CACNA1C: variants seen among roughly 807,000 people sequenced by gnomAD.
The protein encoded by CACNA1C is voltage-dependent L-type calcium channel subunit alpha-1C.
CACNA1C carries 30 observed loss-of-function variants against 229.0 expected under a neutral mutation model. The observed-to-expected ratio is 0.13, with a 90% CI of 0.10 to 0.18. CACNA1C has a LOEUF of 0.18. Among genes scored for constraint, CACNA1C ranks in the 10% least tolerant of loss-of-function variants. The pLI is 1.00. For synonymous variants in CACNA1C, 1,114 were observed against 1,132.5 expected, an observed-to-expected ratio of 0.98 and a Z score of 0.33; for missense variants, 1,658 against 2,845.0, an observed-to-expected ratio of 0.58 and a Z score of 9.49.
chr12:2,497,842 G>A (rs1444641499), intron 7 of CACNA1C, among the ~76,000 whole-genome samples: 1 of 152,086 alleles, frequency 6.6e-6, no homozygotes, highest in Non-Finnish European at 1.5e-5. Context: ...TTTTGGTTCA[G>A]CCAACAGGAG....
chr12:2,089,578 C>T (rs74731563), intron 1 of CACNA1C, among the ~76,000 whole-genome samples: 3,525 of 152,234 alleles, frequency 0.023, 136 homozygotes, highest in African/African-American at 0.08. Context: ...CGGGCCCATC[C>T]GGGGCATGTT....
intron 3 of CACNA1C, among the ~76,000 whole-genome samples, chr12:2,388,987 T>C (rs1409193549): frequency 6.6e-6 from 1 of 152,152 alleles, no homozygotes; most frequent in African/African-American, 2.4e-5. Context: ...ACTGAAACTA[T>C]AGGAGCAAGG....
At chr12:2,102,882 GC>G (rs1352206338) in intron 1 of CACNA1C, among the ~76,000 whole-genome samples, 1 of 152,168 alleles carries the variant, frequency 6.6e-6, no homozygotes, top group Non-Finnish European at 1.5e-5. Context: ...ATGTTTTCCA[GC>G]ATCATCCATG....
intron 3 of CACNA1C, among the ~76,000 whole-genome samples, chr12:2,171,833 C>T (rs887079611): frequency 6.6e-6 from 1 of 152,138 alleles, no homozygotes; most frequent in Non-Finnish European, 1.5e-5. Flanking sequence ...AGGAAGGCCT[C>T]CCCGAGGGAA....
At chr12:2,013,338 C>T (rs1476920932) in intron 1 of CACNA1C, among the ~76,000 whole-genome samples, 1 of 152,144 alleles carries the variant, frequency 6.6e-6, no homozygotes, top group Non-Finnish European at 1.5e-5. Flanking sequence ...GCCCTTGCTC[C>T]TGAGAATAGC....
intron 3 of CACNA1C, among the ~76,000 whole-genome samples, chr12:2,168,874 T>G (rs1312376655): frequency 6.6e-6 from 1 of 152,196 alleles, no homozygotes; most frequent in Non-Finnish European, 1.5e-5. Context: ...CATCCTTTCC[T>G]GTTTCTGAAC....
intron 34 of CACNA1C, among the ~76,000 whole-genome samples, chr12:2,657,163 G>T (rs927670571): frequency 3.3e-5 from 5 of 152,118 alleles, no homozygotes; most frequent in African/African-American, 9.7e-5. Context: ...AGAATGAGCA[G>T]AGTAATGATA....
chr12:2,549,352 A>G (rs1367738688), intron 9 of CACNA1C, among the ~76,000 whole-genome samples: 1 of 152,094 alleles, frequency 6.6e-6, no homozygotes, highest in East Asian at 1.9e-4. Flanking sequence ...ATCTTAGTGC[A>G]TGGCTCTGGG....
chr12:2,194,320 G>GTGCTCTTCCTCCCA (rs2097336457), intron 3 of CACNA1C, among the ~76,000 whole-genome samples: 1 of 143,270 alleles, frequency 7.0e-6, no homozygotes. Context: ...GCCTCCTCCC[G>GTGCTCTTCCTCCCA]TTCCTCCTCC....
Position 2,486,292 on chromosome 12 carries a change from G to A in CACNA1C, c.916+30G>A, listed in dbSNP as rs2099696786. The A allele has an allele frequency of 1.3e-6, 2 of 1,597,248 alleles. No individual in the cohort carries two copies. Among genetic ancestry groups the A allele is most frequent in the African/African-American group, 1.3e-5 (1 of 74,644 alleles). On this transcript the variant is annotated intron_variant, in intron 6 of 46. Transcript: ENST00000399655. This position sits in a 1 kb window ranked among gnomAD's most constrained non-coding sequence, Gnocchi z 4.9. Reference sequence around the variant, plus strand: ...GAGGGGCAGGCGGCTGCGCTCCCAAGGCCCTGCCCTCTATCGCTCCCAGCA... The same window carrying A: ...GAGGGGCAGGCGGCTGCGCTCCCAAAGCCCTGCCCTCTATCGCTCCCAGCA...
rs1053733453 is a variant in CACNA1C at position 2,327,929 on chromosome 12, C to T, written c.478-121047C>T. Among the ~76,000 whole-genome samples, 13 of 152,200 alleles carry T rather than the reference C, an allele frequency of 8.5e-5. 1 individual carries two copies. The highest frequency in any genetic ancestry group is 1.5e-5 in the Non-Finnish European group (1 of 68,044). Reference sequence around the variant, plus strand: ...AACCCTCAGATGGTTCCTCACCTTACTTCCTCCTTCACCTATGGCCTGTTC... The same window carrying T: ...AACCCTCAGATGGTTCCTCACCTTATTTCCTCCTTCACCTATGGCCTGTTC... On this transcript the variant is annotated intron_variant, in intron 3 of 46. Transcript: ENST00000399655.
chr12:2,358,265 G>A (rs1285368729), intron 3 of CACNA1C, among the ~76,000 whole-genome samples: 1 of 106,580 alleles, frequency 9.4e-6, no homozygotes, highest in African/African-American at 5.7e-5. Context: ...GTGTGTGTGT[G>A]TGTGTGTGTG....
intron 3 of CACNA1C, among the ~76,000 whole-genome samples, chr12:2,239,087 G>A (rs1214288272): frequency 1.3e-5 from 2 of 152,192 alleles, no homozygotes; most frequent in East Asian, 3.8e-4. Context: ...AATTTTAGCA[G>A]CTATTTTTAC....
At chr12:2,247,385 G>A (rs1270322344) in intron 3 of CACNA1C, among the ~76,000 whole-genome samples, 2 of 152,188 alleles carry the variant, frequency 1.3e-5, no homozygotes, top group African/African-American at 4.8e-5. Context: ...TTTTCCGGGT[G>A]GGTTTTAATT....
In CACNA1C at chr12:2,606,807, A is replaced by T. The variant is rs373754507; in HGVS notation, c.3209+144A>T. ...CTGTGTGTCATCTGGCCTCACGGAC[A>T]CAATGTGTAGCATTTTTTGTTCCTG... is the stretch of plus-strand genomic sequence containing the variant. On this transcript the variant is annotated intron_variant, in intron 25 of 46. Coordinates refer to ENST00000399655, the MANE Select transcript of CACNA1C (RefSeq NM_000719.7). 115 of 946,804 alleles carry T rather than the reference A, an allele frequency of 1.2e-4. 2 individuals carry two copies. The African/African-American group carries it at 1.4e-3, about 11-fold the overall frequency. 58.7% of individuals were successfully genotyped at this position (946,804 alleles called of 1,614,324 possible).
rs1266702645 is a variant in CACNA1C at position 2,653,325 on chromosome 12, GA to G, written c.4075-507del. 1.3e-5 allele frequency among the ~76,000 whole-genome samples: 2 copies of G among 152,226 alleles called. No homozygotes were observed. Among genetic ancestry groups the G allele is most frequent in the Non-Finnish European group, 2.9e-5 (2 of 68,038 alleles). ...CAACCCTCACAGATAGAAAGTGGCA[GA>G]AACAGGATTTGAACCCATGATCTTT... On this transcript the variant is annotated intron_variant, in intron 32 of 46. Transcript: ENST00000399655. This position sits in a 1 kb window ranked among gnomAD's most constrained non-coding sequence, Gnocchi z 4.7.
intron 1 of CACNA1C, among the ~76,000 whole-genome samples, chr12:2,094,828 G>A (rs1336365824): frequency 1.3e-5 from 2 of 152,156 alleles, no homozygotes; most frequent in African/African-American, 4.8e-5. Flanking sequence ...CCATGCTGGG[G>A]TGCCTACAAG....
intron 2 of CACNA1C, 138 bp downstream of exon 2, chr12:2,115,683 C>A (rs897178590): frequency 1.3e-6 from 1 of 750,788 alleles, no homozygotes; most frequent in Non-Finnish European, 2.2e-6. Flanking sequence ...ATCTGCATCA[C>A]TGGGGTGCTG....
intron 3 of CACNA1C, among the ~76,000 whole-genome samples, chr12:2,242,639 T>C (rs2071033579): frequency 6.6e-6 from 1 of 152,250 alleles, no homozygotes; most frequent in South Asian, 2.1e-4. Flanking sequence ...CCCAACCGGA[T>C]TCTTTACTTC....
Sources: allele counts gnomAD v4.1 joint callset (sites outside exome capture counted in the v4.1 genomes callset), GRCh38; gene constraint gnomAD v4.1.1; non-coding constraint Gnocchi (gnomAD v3.1); transcripts MANE v1.5; gene names NCBI Gene and HGNC (gene_info 2026-07-23, HGNC 2026-07-21).